Variants in NMNAT1 observed in about 807,000 individuals in gnomAD.
The protein encoded by NMNAT1 is nicotinamide nucleotide adenylyltransferase 1, also known as nicotinamide/nicotinic acid mononucleotide adenylyltransferase 1.
NMNAT1 carries 11 observed loss-of-function variants against 16.7 expected under a neutral mutation model. That is an observed-to-expected ratio of 0.66 (90% CI 0.41 to 1.09). The LOEUF is 1.09. Ranked by LOEUF, NMNAT1 falls within the 50% of genes least tolerant of loss-of-function variation. The pLI is 0.00. For missense variants in NMNAT1, 280 were observed against 332.3 expected (o/e 0.84, Z 1.22); for synonymous variants, 110 against 119.8 (o/e 0.92, Z 0.53).
rs754304037 is a variant in NMNAT1 at position 9,982,659 on chromosome 1, C to G, written c.798C>G (p.Ile266Met). 1 of 1,613,580 alleles carries G rather than the reference C, an allele frequency of 6.2e-7. No individual in the cohort carries two copies. Among genetic ancestry groups the G allele is most frequent in the Non-Finnish European group, 8.5e-7 (1 of 1,179,734 alleles). ...SESEDRNAGV[I>M]LAPLQRNTAE... ...GTGAAGACAGGAATGCTGGGGTCAT[C>G]CTGGCCCCTTTGCAGAGAAACACTG... Residue 266 changes from isoleucine to methionine, a missense_variant, in exon 5 of 5, where the codon ATC (isoleucine) becomes ATG (methionine). Ile to Met is a conservative substitution (Grantham distance 10, BLOSUM62 1). Transcript: ENST00000377205.
intron 1 of NMNAT1, among the ~76,000 whole-genome samples, chr1:9,956,945 T>G (rs1407603350): frequency 6.6e-6 from 1 of 151,990 alleles, no homozygotes; most frequent in Non-Finnish European, 1.5e-5. Flanking sequence ...TTGGTCATGC[T>G]GGTCTCAAAC....
At chr1:9,967,879 G>A (rs1321900133) in intron 1 of NMNAT1, among the ~76,000 whole-genome samples, 1 of 151,966 alleles carries the variant, frequency 6.6e-6, no homozygotes, top group Non-Finnish European at 1.5e-5. Flanking sequence ...GGGAGGCTGA[G>A]GTCGAAGGAT....
At chr1:9,970,689 CAAA>C (rs550486839) in intron 1 of NMNAT1, among the ~76,000 whole-genome samples, 4 of 84,348 alleles carry the variant, frequency 4.7e-5, no homozygotes, top group South Asian at 3.5e-4. Context: ...ACTCCCGTCT[CAAA>C]AAAAAAAAAA....
intron 1 of NMNAT1, among the ~76,000 whole-genome samples, chr1:9,952,080 C>T (rs59451452): frequency 3.7e-4 from 56 of 152,158 alleles, no homozygotes; most frequent in African/African-American, 1.3e-3. Flanking sequence ...GGGTGGATCA[C>T]GAGGTCGGGA....
chr1:9,995,234 T>C, the NMNAT1 span, among the ~76,000 whole-genome samples: 13 of 151,994 alleles, frequency 8.6e-5, no homozygotes, highest in African/African-American at 2.4e-5. Flanking sequence ...TCCATCTCTA[T>C]AAAAAATTAA....
In NMNAT1 at chr1:9,984,753, TA is replaced by T. The variant is rs761249751; in HGVS notation, c.*2056del. 2.0e-5 allele frequency: 3 copies of T among 152,210 alleles called. No individual in the cohort carries two copies. The highest frequency in any genetic ancestry group is 2.9e-5 in the Non-Finnish European group (2 of 68,038). The allele number at this position is 152,210 out of a possible 1,614,324, so 9.4% of individuals were successfully genotyped here. The stretch of plus-strand genomic sequence containing the variant: ...TTGAAAGTGGCAAACAAACCTGCAG[TA>T]AAAGTCCTTGATTGGCATCTTCATT... On this transcript the variant is annotated 3_prime_UTR_variant, in exon 5 of 5. Coordinates refer to ENST00000377205, the MANE Select transcript of NMNAT1 (RefSeq NM_022787.4).
chr1:9,949,279 GAGAA>G (rs969805601), intron 1 of NMNAT1, among the ~76,000 whole-genome samples: 8 of 150,404 alleles, frequency 5.3e-5, no homozygotes, highest in African/African-American at 2.0e-4. Context: ...AAAAAAAAAA[GAGAA>G]AGACAAAACA....
chr1:9,982,069 G>T (rs772561687), intron 4 of NMNAT1, among the ~76,000 whole-genome samples: 4 of 152,024 alleles, frequency 2.6e-5, no homozygotes, highest in Non-Finnish European at 5.9e-5. Context: ...CACCATGTTG[G>T]TCAGGCTGGT....
At chr1:9,979,057 C>T (rs889250941) in intron 3 of NMNAT1, among the ~76,000 whole-genome samples, 1 of 152,116 alleles carries the variant, frequency 6.6e-6, no homozygotes, top group African/African-American at 2.4e-5. Flanking sequence ...AGTCAGTGTC[C>T]TCTGTCAATG....
At chr1:9,972,232 C>A in intron 2 of NMNAT1, 44 bp downstream of exon 2, 1 of 1,021,836 alleles carries the variant, frequency 9.8e-7, no homozygotes, top group South Asian at 1.3e-5. Context: ...GAGAACCAGC[C>A]GGGTGCAGTG....
chr1:9,978,092 C>T (rs1641855106), intron 3 of NMNAT1, among the ~76,000 whole-genome samples: 1 of 152,146 alleles, frequency 6.6e-6, no homozygotes, highest in African/African-American at 2.4e-5. Flanking sequence ...CATGGTGGCT[C>T]ACACCTGTAA....
At chr1:9,996,083 G>A in the NMNAT1 span, among the ~76,000 whole-genome samples, 2 of 151,856 alleles carry the variant, frequency 1.3e-5, no homozygotes, top group Admixed American at 6.6e-5. Context: ...AGGCCAAGGC[G>A]GGCGGATCAC....
chr1:9,953,278 CTTTTT>C (rs35129856), intron 1 of NMNAT1, among the ~76,000 whole-genome samples: 1 of 122,760 alleles, frequency 8.1e-6, no homozygotes, highest in Non-Finnish European at 1.7e-5. Context: ...TGTGCGCGGG[CTTTTT>C]TTTTTTTTTT....
chr1:9,991,544 C>G, the NMNAT1 span, among the ~76,000 whole-genome samples: 5 of 152,060 alleles, frequency 3.3e-5, no homozygotes. Context: ...TCTGGCTTCT[C>G]AATGAAAATG....
intron 1 of NMNAT1, among the ~76,000 whole-genome samples, chr1:9,944,418 G>A (rs1389255344): frequency 6.6e-6 from 1 of 152,114 alleles, no homozygotes; most frequent in African/African-American, 2.4e-5. Flanking sequence ...GAAACTGGTT[G>A]GAACTATTTA....
chr1:9,963,465 AG>A (rs978030979), intron 1 of NMNAT1, among the ~76,000 whole-genome samples: 2 of 150,688 alleles, frequency 1.3e-5, no homozygotes, highest in African/African-American at 4.9e-5. Context: ...TCTGGAGTGC[AG>A]TGGCACAATC....
intron 1 of NMNAT1, among the ~76,000 whole-genome samples, chr1:9,965,979 TC>T (rs1410105910): frequency 6.7e-6 from 1 of 148,700 alleles, no homozygotes; most frequent in African/African-American, 2.5e-5. Flanking sequence ...CACACCGAGA[TC>T]CTTTCTCAAA....
chr1:9,990,277 G>A (rs192121736), downstream of NMNAT1, among the ~76,000 whole-genome samples: 39 of 152,156 alleles, frequency 2.6e-4, 1 homozygote, highest in East Asian at 3.5e-3. Context: ...TCGGGGACCC[G>A]GGTTCTTTCC....
chr1:9,952,986 GT>G (rs542040218), intron 1 of NMNAT1, among the ~76,000 whole-genome samples: 106 of 146,304 alleles, frequency 7.2e-4, no homozygotes, highest in African/African-American at 1.4e-3. Flanking sequence ...TTGTATGCAT[GT>G]TTTTTTTTTT....
Sources: allele counts gnomAD v4.1 joint callset (sites outside exome capture counted in the v4.1 genomes callset), GRCh38; gene constraint gnomAD v4.1.1; transcripts MANE v1.5; gene names NCBI Gene and HGNC (gene_info 2026-07-23, HGNC 2026-07-21).